Variants in PCDHA2 observed in about 807,000 individuals in gnomAD.
PCDHA2 encodes protocadherin alpha 2.
Under a neutral mutation model 66.0 loss-of-function variants are expected in PCDHA2, and 58 were observed. The ratio of observed to expected loss-of-function variants is 0.88; its 90% CI spans 0.71 to 1.09. The LOEUF is 1.09. Among genes scored for constraint, PCDHA2 ranks in the 50% least tolerant of loss-of-function variants. The probability of loss-of-function intolerance (pLI) is 0.00; values close to 1 mark genes in which losing one functional copy is unlikely to be tolerated. For missense variants in PCDHA2, 1,267 were observed against 1,242.3 expected, an observed-to-expected ratio of 1.02 and a Z score of -0.30; for synonymous variants, 634 against 554.0, an observed-to-expected ratio of 1.14 and a Z score of -2.03.
rs2150445879 is a variant in PCDHA2 at position 140,849,707 on chromosome 5, C to G, written c.2388+52355C>G. Reference sequence around the variant, plus strand: ...AGCTGGTGTCCACCTACAAGAATTACTACTCGTTGGTGCTGGACAGAGCTC... The same window carrying G: ...AGCTGGTGTCCACCTACAAGAATTAGTACTCGTTGGTGCTGGACAGAGCTC... On this transcript the variant is annotated intron_variant, in intron 1 of 3. Coordinates refer to ENST00000526136, the MANE Select transcript of PCDHA2 (RefSeq NM_018905.3). The G allele has an allele frequency of 3.1e-6, 5 of 1,598,540 alleles. No homozygotes were observed. The South Asian group carries it at 3.3e-5, about 11-fold the overall frequency.
chr5:140,850,512 G>A lies in PCDHA2; in HGVS notation c.2388+53160G>A, dbSNP rs17844334. 2.6e-5 allele frequency: 41 copies of A among 1,598,146 alleles called. 4 individuals carry two copies. The highest frequency in any genetic ancestry group is 5.1e-5 in the Admixed American group (3 of 59,282). On this transcript the variant is annotated intron_variant, in intron 1 of 3. Coordinates refer to ENST00000526136, the MANE Select transcript of PCDHA2 (RefSeq NM_018905.3). Reference sequence around the variant, plus strand: ...TGTGCTGGTGTCGCTGGTGGAGAGCGGCCAGGCGCCAAAGTCATCGTCGCG... The same window carrying A: ...TGTGCTGGTGTCGCTGGTGGAGAGCAGCCAGGCGCCAAAGTCATCGTCGCG...
chr5:140,823,628 G>A lies in PCDHA2; in HGVS notation c.2388+26276G>A, dbSNP rs1434058728. 2.5e-6 allele frequency: 4 copies of A among 1,614,052 alleles called. No homozygotes were observed. The highest frequency in any genetic ancestry group is 3.4e-6 in the Non-Finnish European group (4 of 1,179,958). ...CTGCAGCCAGCGCCTGGCAGTGCGC[G>A]CATCCCGTTCCGCGTGGGGCTGTAC... On this transcript the variant is annotated intron_variant, in intron 1 of 3. Transcript: ENST00000526136.
chr5:140,824,847 A>T (rs1768370968), intron 1 of PCDHA2: 1 of 152,042 alleles, frequency 6.6e-6, no homozygotes, highest in African/African-American at 2.4e-5. Flanking sequence ...ACACTAATTT[A>T]GTTTGTTTTC....
At position 140,973,488 on chromosome 5, in the gene PCDHA2, G is replaced by A. The variant is rs186493160; in HGVS notation, c.2389-5461G>A. Reference sequence around the variant, plus strand: ...GTTTGCAAATTTCATATTGGTCACAGGACTCTTCTTCTGAGAAAAAGTTTA... The same window carrying A: ...GTTTGCAAATTTCATATTGGTCACAAGACTCTTCTTCTGAGAAAAAGTTTA... On this transcript the variant is annotated intron_variant, in intron 1 of 3. Coordinates refer to ENST00000526136, the MANE Select transcript of PCDHA2 (RefSeq NM_018905.3). Among the ~76,000 whole-genome samples, 7 of 152,228 alleles carry A rather than the reference G, an allele frequency of 4.6e-5. No homozygotes were observed. The East Asian group carries it at 1.3e-3, about 29-fold the overall frequency.
chr5:140,972,355 G>A (rs1190163389), intron 1 of PCDHA2, among the ~76,000 whole-genome samples: 3 of 150,946 alleles, frequency 2.0e-5, no homozygotes, highest in Admixed American at 2.0e-4. Context: ...TCACTATGTT[G>A]CACATGCTGT....
chr5:140,861,098 T>C (rs1334214171), intron 1 of PCDHA2: 1 of 152,426 alleles, frequency 6.6e-6, no homozygotes, highest in Non-Finnish European at 1.5e-5. Context: ...ATTGTTCCTG[T>C]ACTTTAAAAA....
chr5:140,922,643 C>T (rs1554200906), intron 1 of PCDHA2, among the ~76,000 whole-genome samples: 3 of 152,192 alleles, frequency 2.0e-5, no homozygotes, highest in African/African-American at 7.2e-5. Flanking sequence ...CTCCATCAAA[C>T]AGTAAATATG....
chr5:140,982,609 G>A, intron 3 of PCDHA2, 46 bp downstream of exon 3: 1 of 1,600,864 alleles, frequency 6.2e-7, no homozygotes, highest in East Asian at 2.2e-5. Context: ...TCTGGAAAGT[G>A]ATCAGATGAC....
intron 1 of PCDHA2, chr5:140,877,085 G>T: frequency 6.2e-7 from 1 of 1,613,214 alleles, no homozygotes; most frequent in Non-Finnish European, 8.5e-7. Context: ...GTGAGCGCGC[G>T]CGACGCCGGC....
chr5:140,796,819 C>A lies in PCDHA2; in HGVS notation c.1855C>A (p.Arg619Ser), dbSNP rs782194606. Residue 619 changes from arginine (R) to serine (S), a missense_variant, in exon 1 of 4, where the codon CGC becomes AGC. Physicochemically the swap from Arg to Ser is moderately radical, Grantham distance 110. Coordinates refer to ENST00000526136, the MANE Select transcript of PCDHA2 (RefSeq NM_018905.3). ...GCTTCAGCTGGGTACTGGCAGCGCT[C>A]GCATCCCGTTCCGCGTGGGGCTATA... ...YELQLGTGSA[R>S]IPFRVGLYTG... is the part of the protein sequence containing the mutation. 3.7e-6 allele frequency: 6 copies of A among 1,613,996 alleles called. No homozygotes were observed. The highest frequency in any genetic ancestry group is 5.1e-6 in the Non-Finnish European group (6 of 1,179,984).
Position 140,848,471 on chromosome 5 carries a change from A to C in PCDHA2, c.2388+51119A>C, listed in dbSNP as rs1410675725. 39 of 1,555,188 alleles carry C rather than the reference A, an allele frequency of 2.5e-5. 4 individuals carry two copies. Among genetic ancestry groups the C allele is most frequent in the Non-Finnish European group, 3.2e-5 (37 of 1,144,100 alleles). On this transcript the variant is annotated intron_variant, in intron 1 of 3. Transcript: ENST00000526136. ...TCTAATTTGGAGGCAATTTTCACTA[A>C]TTAGAAGAAGACTGAGTATTTGAAA...
At chr5:140,803,489 GC>G in intron 1 of PCDHA2, 1 of 1,614,236 alleles carries the variant, frequency 6.2e-7, no homozygotes, top group African/African-American at 1.3e-5. Flanking sequence ...GAGAGGGGTT[GC>G]CCAAGACCGA....
rs1047587407 is a variant in PCDHA2 at position 140,847,610 on chromosome 5, C to G, written c.2388+50258C>G. 4.0e-5 allele frequency: 6 copies of G among 149,370 alleles called. 1 individual carries two copies. The highest frequency in any genetic ancestry group is 1.5e-4 in the African/African-American group (6 of 40,758). 9.3% of individuals were successfully genotyped at this position (149,370 alleles called of 1,614,324 possible). On this transcript the variant is annotated intron_variant, in intron 1 of 3. Coordinates refer to ENST00000526136, the MANE Select transcript of PCDHA2 (RefSeq NM_018905.3). ...ATGAAATTAAAACATATTGTAATAACATTACACAAACTATATTGGAGACTA... is the reference window on the plus strand; with the variant it reads ...ATGAAATTAAAACATATTGTAATAAGATTACACAAACTATATTGGAGACTA...
At chr5:140,854,274 T>A in intron 1 of PCDHA2, 1 of 562,280 alleles carries the variant, frequency 1.8e-6, no homozygotes, top group Non-Finnish European at 2.3e-6. Context: ...TAGTAGAAAT[T>A]GAGTTTAGTT....
At chr5:140,842,362 C>T (rs2150334597) in intron 1 of PCDHA2, 4 of 1,607,598 alleles carry the variant, frequency 2.5e-6, no homozygotes, top group Middle Eastern at 1.7e-4. Flanking sequence ...ATGATAACGT[C>T]CCTGAGATAG....
At chr5:140,936,972 T>C (rs2091238144) in intron 1 of PCDHA2, among the ~76,000 whole-genome samples, 2 of 152,314 alleles carry the variant, frequency 1.3e-5, no homozygotes, top group South Asian at 4.1e-4. Context: ...TATAAAAATA[T>C]GAAGCTTGTT....
intron 1 of PCDHA2, among the ~76,000 whole-genome samples, chr5:140,826,499 A>G (rs1227877978): frequency 1.3e-5 from 2 of 152,186 alleles, no homozygotes; most frequent in Non-Finnish European, 2.9e-5. Flanking sequence ...TTTTGGAGTA[A>G]GGTGAAGATG....
intron 3 of PCDHA2, among the ~76,000 whole-genome samples, chr5:140,986,555 T>A (rs1554248143): frequency 6.6e-6 from 1 of 152,214 alleles, no homozygotes; most frequent in African/African-American, 2.4e-5. Context: ...GCCAGGCTGC[T>A]TTGTTATCTG....
At chr5:140,941,629 A>G (rs965702759) in intron 1 of PCDHA2, among the ~76,000 whole-genome samples, 12 of 151,584 alleles carry the variant, frequency 7.9e-5, no homozygotes, top group African/African-American at 2.9e-4. Context: ...CTGCTTCTTA[A>G]TTTCTGTCTT....
Sources: allele counts gnomAD v4.1 joint callset (sites outside exome capture counted in the v4.1 genomes callset), GRCh38; gene constraint gnomAD v4.1.1; transcripts MANE v1.5; gene names NCBI Gene and HGNC (gene_info 2026-07-23, HGNC 2026-07-21).